Variants in SUCLG2 observed in about 807,000 individuals in gnomAD.
The protein encoded by SUCLG2 is succinate--CoA ligase [GDP-forming] subunit beta, mitochondrial.
SUCLG2 carries 42 observed loss-of-function variants against 47.9 expected under a neutral mutation model. The ratio of observed to expected loss-of-function variants is 0.88; its 90% CI spans 0.69 to 1.14. The LOEUF is 1.14. Among genes scored for constraint, SUCLG2 ranks in the 50% most tolerant of loss-of-function variants. The pLI is 0.00. For synonymous variants in SUCLG2, 195 were observed against 197.3 expected, an observed-to-expected ratio of 0.99 and a Z score of 0.10; for missense variants, 571 against 525.9, an observed-to-expected ratio of 1.09 and a Z score of -0.84.
intron 1 of SUCLG2, among the ~76,000 whole-genome samples, chr3:67,640,443 C>A (rs1443696250): frequency 6.6e-6 from 1 of 152,226 alleles, no homozygotes; most frequent in Non-Finnish European, 1.5e-5. Context: ...TGAACCTTTT[C>A]TCTGCATACC....
At chr3:67,573,841 C>A (rs939734096) in intron 2 of SUCLG2, among the ~76,000 whole-genome samples, 2 of 152,074 alleles carry the variant, frequency 1.3e-5, no homozygotes, top group South Asian at 4.2e-4. Flanking sequence ...GTCTGCGAGC[C>A]TGAATTTTTG....
chr3:67,455,037 CCA>C (rs1553645897), intron 9 of SUCLG2, among the ~76,000 whole-genome samples: 2 of 151,798 alleles, frequency 1.3e-5, no homozygotes, highest in Non-Finnish European at 2.9e-5. Context: ...TGAAATATTC[CCA>C]GTTATCCCAA....
chr3:67,553,194 T>C (rs1353683936), intron 2 of SUCLG2, among the ~76,000 whole-genome samples: 1 of 152,086 alleles, frequency 6.6e-6, no homozygotes, highest in African/African-American at 2.4e-5. Flanking sequence ...ACAATGACAC[T>C]AGAAATTAGC....
intron 9 of SUCLG2, among the ~76,000 whole-genome samples, chr3:67,451,391 G>C (rs1344989601): frequency 6.6e-6 from 1 of 152,200 alleles, no homozygotes; most frequent in Admixed American, 6.5e-5. Context: ...GTTTTCGTAA[G>C]TAAGTCTTAA....
intron 2 of SUCLG2, among the ~76,000 whole-genome samples, chr3:67,560,230 T>C (rs1450610179): frequency 6.6e-6 from 1 of 152,158 alleles, no homozygotes; most frequent in Non-Finnish European, 1.5e-5. Context: ...ATGGCATCAT[T>C]AGGGTAGGCC....
chr3:67,421,478 T>C (rs761772022), intron 9 of SUCLG2, among the ~76,000 whole-genome samples: 13 of 152,184 alleles, frequency 8.5e-5, no homozygotes, highest in Middle Eastern at 3.2e-3. Flanking sequence ...GTACAGGACC[T>C]TGGACACATC....
chr3:67,383,692 C>G (rs546654611), intron 10 of SUCLG2, among the ~76,000 whole-genome samples: 1 of 152,244 alleles, frequency 6.6e-6, no homozygotes, highest in Non-Finnish European at 1.5e-5. Flanking sequence ...GGTTTAGGAT[C>G]AAGTCTAACA....
intron 1 of SUCLG2, among the ~76,000 whole-genome samples, chr3:67,613,941 G>A (rs1326314734): frequency 1.3e-5 from 2 of 152,218 alleles, no homozygotes; most frequent in Admixed American, 1.3e-4. Context: ...TTCACGAAAT[G>A]CTGACAGAGC....
intron 9 of SUCLG2, among the ~76,000 whole-genome samples, chr3:67,429,208 C>T (rs530306804): frequency 2.6e-4 from 40 of 152,288 alleles, no homozygotes; most frequent in African/African-American, 8.2e-4. Context: ...AGAGAAAAGT[C>T]GGGTTATCCA....
At chr3:67,393,656 T>C (rs1354329508) in intron 10 of SUCLG2, among the ~76,000 whole-genome samples, 3 of 152,214 alleles carry the variant, frequency 2.0e-5, no homozygotes, top group African/African-American at 7.2e-5. Flanking sequence ...GTCTGACAGC[T>C]TTGAAGAGAG....
chr3:67,640,242 A>G (rs1022410846), intron 1 of SUCLG2, among the ~76,000 whole-genome samples: 1 of 152,202 alleles, frequency 6.6e-6, no homozygotes, highest in African/African-American at 2.4e-5. Context: ...TGTACTGCCA[A>G]TGGATGTGTC....
intron 2 of SUCLG2, 109 bp from the exon 3 acceptor site, chr3:67,529,295 C>G (rs907363695): frequency 1.4e-6 from 1 of 731,856 alleles, no homozygotes; most frequent in Non-Finnish European, 2.2e-6. Flanking sequence ...CTGGTAAAAG[C>G]TCTCTCAAAC....
At chr3:67,523,881 A>C (rs1327347554) in intron 4 of SUCLG2, among the ~76,000 whole-genome samples, 1 of 152,172 alleles carries the variant, frequency 6.6e-6, no homozygotes, top group African/African-American at 2.4e-5. Context: ...TTTTAGGATA[A>C]GTGTCATTCA....
intron 2 of SUCLG2, among the ~76,000 whole-genome samples, chr3:67,534,602 GA>G (rs988038185): frequency 5.9e-5 from 9 of 151,428 alleles, no homozygotes; most frequent in Admixed American, 5.3e-4. Flanking sequence ...ATTATCTCTA[GA>G]AAAACCCAAT....
Position 67,375,870 on chromosome 3 carries a change from G to T in SUCLG2, c.1184-11C>A. 1 of 1,611,542 alleles carries T rather than the reference G, an allele frequency of 6.2e-7. No homozygotes were observed. Among genetic ancestry groups the T allele is most frequent in the Non-Finnish European group, 8.5e-7 (1 of 1,178,818 alleles). On this transcript the variant is annotated splice_polypyrimidine_tract_variant and intron_variant, in intron 10 of 10. Coordinates refer to ENST00000307227, the MANE Select transcript of SUCLG2 (RefSeq NM_003848.4). ...CTTGGACGTTGGTTCCTAGAAGGGG[G>T]ACAGGGAACAATCACTGAATGAAAC... is the stretch of plus-strand genomic sequence containing the variant.
intron 2 of SUCLG2, among the ~76,000 whole-genome samples, chr3:67,591,702 A>G (rs1708171268): frequency 6.6e-6 from 1 of 152,100 alleles, no homozygotes; most frequent in East Asian, 1.9e-4. Context: ...TTTTCTTCCC[A>G]GTCTCGGGTA....
At chr3:67,473,603 G>A (rs1386074777) in intron 9 of SUCLG2, among the ~76,000 whole-genome samples, 1 of 152,072 alleles carries the variant, frequency 6.6e-6, no homozygotes, top group East Asian at 1.9e-4. Flanking sequence ...ATTAAGAGTG[G>A]ATATTGCACA....
chr3:67,640,849 C>T (rs1405569484), intron 1 of SUCLG2, among the ~76,000 whole-genome samples: 2 of 152,252 alleles, frequency 1.3e-5, no homozygotes, highest in Non-Finnish European at 2.9e-5. Flanking sequence ...AAAAACAGTG[C>T]TTGGTGTTAG....
chr3:67,568,103 G>T (rs1396127345), intron 2 of SUCLG2, among the ~76,000 whole-genome samples: 1 of 152,198 alleles, frequency 6.6e-6, no homozygotes, highest in Non-Finnish European at 1.5e-5. Flanking sequence ...GACAGCAAAA[G>T]AACTGTGGTA....
Sources: gnomAD v4.1 joint callset for allele counts (sites outside exome capture counted in the v4.1 genomes callset) on GRCh38, gnomAD v4.1.1 for gene constraint, MANE v1.5 for transcripts, NCBI Gene and HGNC (gene_info 2026-07-23, HGNC 2026-07-21) for gene names.